Variants in XKR4 observed in about 807,000 individuals in gnomAD.
The protein encoded by XKR4 is XK related 4.
In XKR4, 12 loss-of-function variants were observed where a neutral mutation model predicts 53.9. The observed-to-expected ratio is 0.22, with a 90% CI of 0.14 to 0.36. XKR4 has a LOEUF of 0.36. XKR4 is among the 10% of genes least tolerant of loss of function. The pLI is 1.00. For missense variants in XKR4, 799 were observed against 859.5 expected (o/e 0.93, Z 0.88); for synonymous variants, 354 against 362.4 (o/e 0.98, Z 0.26).
chr8:55,488,798 G>GC (rs201486378), intron 2 of XKR4, among the ~76,000 whole-genome samples: 18,887 of 18,902 alleles, frequency 1, 9,436 homozygotes, highest in Middle Eastern at 1. Flanking sequence ...AATTAGCCGG[G>GC]GTAGTGGCGG....
At chr8:55,457,032 A>T (rs1805579856) in intron 2 of XKR4, among the ~76,000 whole-genome samples, 1 of 152,164 alleles carries the variant, frequency 6.6e-6, no homozygotes, top group Non-Finnish European at 1.5e-5. Flanking sequence ...AAAGAAAAAA[A>T]TGACTCATCA....
At chr8:55,224,316 A>T (rs1585950039) in intron 1 of XKR4, among the ~76,000 whole-genome samples, 1 of 152,220 alleles carries the variant, frequency 6.6e-6, no homozygotes, top group African/African-American at 2.4e-5. Flanking sequence ...ATAATTGTCA[A>T]ACAATATAGA....
intron 1 of XKR4, among the ~76,000 whole-genome samples, chr8:55,228,992 A>C (rs1429991167): frequency 6.6e-6 from 1 of 152,190 alleles, no homozygotes; most frequent in Non-Finnish European, 1.5e-5. Context: ...TTTTCTAAAG[A>C]ACTTGAAAAA....
chr8:55,479,046 G>A (rs926674781), intron 2 of XKR4, among the ~76,000 whole-genome samples: 38 of 151,872 alleles, frequency 2.5e-4, no homozygotes, highest in Non-Finnish European at 4.9e-4. Flanking sequence ...TGCACCACGC[G>A]GACCTAATAG....
intron 1 of XKR4, among the ~76,000 whole-genome samples, chr8:55,310,534 T>C (rs1012633020): frequency 5.3e-5 from 8 of 152,224 alleles, no homozygotes; most frequent in Non-Finnish European, 5.9e-5. Flanking sequence ...AATTATTCTT[T>C]TCAAAGTATC....
intron 2 of XKR4, among the ~76,000 whole-genome samples, chr8:55,472,874 T>TC: frequency 6.6e-6 from 1 of 152,092 alleles, no homozygotes. Context: ...ACAGAAGCGT[T>TC]GTCTTATGTT....
At chr8:55,495,781 C>A (rs1806337611) in intron 2 of XKR4, among the ~76,000 whole-genome samples, 1 of 152,236 alleles carries the variant, frequency 6.6e-6, no homozygotes, top group Non-Finnish European at 1.5e-5. Flanking sequence ...GCACAGGAGA[C>A]CCACCACTGC....
At chr8:55,271,116 C>T (rs1419573466) in intron 1 of XKR4, among the ~76,000 whole-genome samples, 4 of 152,086 alleles carry the variant, frequency 2.6e-5, no homozygotes, top group Non-Finnish European at 5.9e-5. Context: ...TGACCATCTT[C>T]CCCATCATTT....
intron 1 of XKR4, among the ~76,000 whole-genome samples, chr8:55,348,785 G>C (rs149472991): frequency 6.6e-6 from 1 of 151,914 alleles, no homozygotes; most frequent in Non-Finnish European, 1.5e-5. Context: ...TCTAGATAGA[G>C]TAACAGAGAC....
intron 1 of XKR4, among the ~76,000 whole-genome samples, chr8:55,303,393 G>T (rs1819235939): frequency 1.3e-5 from 2 of 151,900 alleles, no homozygotes; most frequent in South Asian, 2.1e-4. Context: ...GCTGGATTCG[G>T]TTTGCCAGTA....
intron 2 of XKR4, among the ~76,000 whole-genome samples, chr8:55,465,573 T>C (rs1462217319): frequency 2.7e-4 from 41 of 151,494 alleles, no homozygotes; most frequent in Non-Finnish European, 4.9e-4. Context: ...GACATAGGCA[T>C]GGGCAAGGAC....
chr8:55,495,539 C>G (rs1349689856), intron 2 of XKR4, among the ~76,000 whole-genome samples: 1 of 152,220 alleles, frequency 6.6e-6, no homozygotes, highest in African/African-American at 2.4e-5. Flanking sequence ...CGCAGCTCAG[C>G]CCAGCCCCAT....
intron 2 of XKR4, among the ~76,000 whole-genome samples, chr8:55,401,827 G>T (rs565371366): frequency 3.3e-5 from 5 of 152,156 alleles, no homozygotes; most frequent in Non-Finnish European, 7.3e-5. Flanking sequence ...TTACGATGTG[G>T]TGATATCATA....
chr8:55,125,051 A>G (rs1455148484), intron 1 of XKR4, among the ~76,000 whole-genome samples: 2 of 152,242 alleles, frequency 1.3e-5, no homozygotes, highest in African/African-American at 4.8e-5. Flanking sequence ...AAGGTATTTT[A>G]AACTCATAAG....
At chr8:55,247,870 T>TCTTTCTTTC (rs1407073833) in intron 1 of XKR4, among the ~76,000 whole-genome samples, 14 of 135,030 alleles carry the variant, frequency 1.0e-4, no homozygotes, top group South Asian at 2.5e-4. Flanking sequence ...TTTTTTTTTT[T>TCTTTCTTTC]TTTTGAGACA....
intron 2 of XKR4, chr8:55,451,523 G>A (rs916685932): frequency 2.9e-6 from 3 of 1,042,128 alleles, no homozygotes; most frequent in South Asian, 2.8e-5. Context: ...GCCTTAAAGA[G>A]TCCGACTACA....
At chr8:55,134,909 A>G (rs1405055161) in intron 1 of XKR4, among the ~76,000 whole-genome samples, 6 of 152,132 alleles carry the variant, frequency 3.9e-5, no homozygotes, top group South Asian at 2.1e-4. Flanking sequence ...TATGGGGTAC[A>G]GAGTACTTTG....
At chr8:55,476,552 C>G (rs1191711811) in intron 2 of XKR4, among the ~76,000 whole-genome samples, 2 of 78,010 alleles carry the variant, frequency 2.6e-5, no homozygotes, top group Non-Finnish European at 4.9e-5. Flanking sequence ...GAGTGCCAGA[C>G]AGTGGGTGCA....
At chr8:55,304,998 T>C (rs978640095) in intron 1 of XKR4, among the ~76,000 whole-genome samples, 10 of 152,078 alleles carry the variant, frequency 6.6e-5, no homozygotes, top group African/African-American at 2.4e-4. Context: ...CAAAAATACT[T>C]ATTTATATTA....
Sources: gnomAD v4.1 joint callset for allele counts (sites outside exome capture counted in the v4.1 genomes callset) on GRCh38, gnomAD v4.1.1 for gene constraint, MANE v1.5 for transcripts, NCBI Gene and HGNC (gene_info 2026-07-23, HGNC 2026-07-21) for gene names.